The following TIPARP variants were observed in gnomAD, a reference collection of about 807,000 sequenced individuals.
TIPARP encodes protein mono-ADP-ribosyltransferase TIPARP.
In TIPARP, 12 loss-of-function variants were observed where a neutral mutation model predicts 56.5. That is an observed-to-expected ratio of 0.21 (90% CI 0.14 to 0.34). TIPARP has a LOEUF of 0.34. TIPARP is among the 10% of genes least tolerant of loss of function. TIPARP has a pLI of 1.00. For synonymous variants in TIPARP, 296 were observed against 265.7 expected, an observed-to-expected ratio of 1.11 and a Z score of -1.11; for missense variants, 604 against 781.6, an observed-to-expected ratio of 0.77 and a Z score of 2.71.
intron 2 of TIPARP, among the ~76,000 whole-genome samples, chr3:156,678,819 G>C (rs1437029519): frequency 6.6e-6 from 1 of 152,104 alleles, no homozygotes; most frequent in Non-Finnish European, 1.5e-5. Context: ...TTTACGATTT[G>C]AACAATTCAT....
At position 156,703,714 on chromosome 3, in the gene TIPARP, G is replaced by A. The variant is rs1321726163; in HGVS notation, c.1526+12G>A. 3.1e-6 allele frequency: 5 copies of A among 1,602,378 alleles called. No individual in the cohort carries two copies. The highest frequency in any genetic ancestry group is 3.4e-6 in the Non-Finnish European group (4 of 1,177,196). On this transcript the variant is annotated intron_variant, in intron 5 of 5. Coordinates refer to ENST00000295924, the MANE Select transcript of TIPARP (RefSeq NM_015508.5). ...GAGAAATATAAAAGGTGAGTCAGAT[G>A]TATGAAAAGTTCAAGACGGCCGGGC...
At chr3:156,675,032 A>T (rs1722078466) in intron 1 of TIPARP, 1 of 152,294 alleles carries the variant, frequency 6.6e-6, no homozygotes. Flanking sequence ...GCAGGTGTAT[A>T]CATCAGACCG....
chr3:156,686,889 A>G (rs982883192), intron 2 of TIPARP, among the ~76,000 whole-genome samples: 1 of 152,100 alleles, frequency 6.6e-6, no homozygotes, highest in African/African-American at 2.4e-5. Context: ...AAAAACGTTT[A>G]TTTTATCCCT....
At position 156,677,802 on chromosome 3, in the gene TIPARP, A is replaced by C. The variant is rs1395711703; in HGVS notation, c.105A>C (p.Pro35=). 6.2e-7 allele frequency: 1 copy of C among 1,614,218 alleles called. No homozygotes were observed. Among genetic ancestry groups the C allele is most frequent in the South Asian group, 1.1e-5 (1 of 91,086 alleles). The part of the protein sequence containing the change: ...CQMRLSEKIT[P]LKTCFKKKDQ... ...TGAGACTCTCTGAGAAGATCACTCC[A>C]TTGAAGACTTGTTTTAAGAAAAAGG... is the stretch of plus-strand genomic sequence containing the variant. Residue 35 remains proline, a synonymous_variant, in exon 2 of 6, where the codon CCA becomes CCC. Transcript: ENST00000295924.
At chr3:156,691,816 G>A (rs538594771) in intron 2 of TIPARP, among the ~76,000 whole-genome samples, 1 of 152,236 alleles carries the variant, frequency 6.6e-6, no homozygotes, top group South Asian at 2.1e-4. Flanking sequence ...ATCAAATAGA[G>A]CTAAAACAGT....
rs772548229 is a variant in TIPARP at position 156,705,111 on chromosome 3, A to C, written c.1954A>C (p.Ser652Arg). The change falls in exon 6 of 6, where the codon AGT (serine) becomes CGT (arginine). Residue 652 changes from serine to arginine, a missense_variant. Coordinates refer to ENST00000295924, the MANE Select transcript of TIPARP (RefSeq NM_015508.5). ...PYFVIQYEEVSNTVSI is the reference protein window; with the variant it reads ...PYFVIQYEEVRNTVSI ...TTTTGTTATCCAATATGAAGAAGTC[A>C]GTAACACTGTTTCCATTTGAAAAAT... 2.0e-6 allele frequency: 3 copies of C among 1,530,078 alleles called. No homozygotes were observed. Among genetic ancestry groups the C allele is most frequent in the Non-Finnish European group, 1.8e-6 (2 of 1,129,256 alleles). 94.8% of individuals were successfully genotyped at this position (1,530,078 alleles called of 1,614,324 possible).
intron 2 of TIPARP, among the ~76,000 whole-genome samples, chr3:156,688,707 C>T (rs895567044): frequency 6.6e-6 from 1 of 152,178 alleles, no homozygotes; most frequent in Non-Finnish European, 1.5e-5. Flanking sequence ...GGGATATAAG[C>T]TGCCAGATAT....
intron 2 of TIPARP, among the ~76,000 whole-genome samples, chr3:156,682,113 A>G (rs1722323338): frequency 6.6e-6 from 1 of 152,216 alleles, no homozygotes; most frequent in Non-Finnish European, 1.5e-5. Context: ...CACTAGTTTC[A>G]TATTACATTC....
chr3:156,701,174 C>T (rs1314522627), intron 4 of TIPARP, among the ~76,000 whole-genome samples: 1 of 152,166 alleles, frequency 6.6e-6, no homozygotes, highest in African/African-American at 2.4e-5. Context: ...AGTTTAATAT[C>T]TTAGAATGGA....
chr3:156,702,852 A>G (rs1577043235), intron 4 of TIPARP, among the ~76,000 whole-genome samples: 1 of 152,192 alleles, frequency 6.6e-6, no homozygotes, highest in East Asian at 1.9e-4. Flanking sequence ...GTTGAATAGT[A>G]TTGGTGGTTT....
At chr3:156,685,261 A>AAATGTG (rs1213962893) in intron 2 of TIPARP, among the ~76,000 whole-genome samples, 5 of 152,218 alleles carry the variant, frequency 3.3e-5, no homozygotes, top group Non-Finnish European at 7.4e-5. Flanking sequence ...CCACACAACA[A>AAATGTG]AATGTGTCTG....
intron 2 of TIPARP, 45 bp from the exon 3 acceptor site, chr3:156,693,975 T>G (rs1170301758): frequency 2.6e-6 from 4 of 1,547,620 alleles, no homozygotes; most frequent in East Asian, 2.3e-5. Flanking sequence ...TTTTACAAAT[T>G]TATTAACAGG....
intron 4 of TIPARP, among the ~76,000 whole-genome samples, chr3:156,697,515 G>A (rs553370525): frequency 4.1e-5 from 6 of 146,850 alleles, no homozygotes; most frequent in African/African-American, 7.6e-5. Context: ...CCACAAATAT[G>A]CCTTCATTAT....
chr3:156,697,646 C>T (rs968508406), intron 4 of TIPARP, among the ~76,000 whole-genome samples: 2 of 152,096 alleles, frequency 1.3e-5, no homozygotes, highest in Non-Finnish European at 2.9e-5. Context: ...GCTGTATTTT[C>T]AACAGCATGC....
intron 2 of TIPARP, among the ~76,000 whole-genome samples, chr3:156,690,870 C>T (rs1722555228): frequency 6.6e-6 from 1 of 152,108 alleles, no homozygotes; most frequent in Admixed American, 6.6e-5. Context: ...GAGACACCCC[C>T]AATCTCTAGC....
In TIPARP at chr3:156,705,294, A is replaced by C; in HGVS notation, c.*163A>C. The C allele has an allele frequency of 1.7e-6, 1 of 579,144 alleles. No individual in the cohort carries two copies. The highest frequency in any genetic ancestry group is 2.4e-5 in the South Asian group (1 of 41,080). 35.9% of individuals were successfully genotyped at this position (579,144 alleles called of 1,614,324 possible). ...AAAATGCTTTTTTTAAAAAAAAAAT[A>C]CAAGTTTTAAAATGACCACTTACTC... On this transcript the variant is annotated 3_prime_UTR_variant, in exon 6 of 6. Coordinates refer to ENST00000295924, the MANE Select transcript of TIPARP (RefSeq NM_015508.5).
chr3:156,677,227 C>T (rs1722152730), intron 1 of TIPARP, among the ~76,000 whole-genome samples: 1 of 152,162 alleles, frequency 6.6e-6, no homozygotes. Flanking sequence ...TTTTTGTCAA[C>T]TCATGAGATA....
intron 3 of TIPARP, 151 bp from the exon 4 acceptor site, chr3:156,695,714 A>G: frequency 9.0e-7 from 1 of 1,109,498 alleles, no homozygotes; most frequent in South Asian, 2.0e-5. Flanking sequence ...GGGAAAAAAA[A>G]TCTTAGCATA....
Position 156,692,151 on chromosome 3 carries a change from A to G in TIPARP, c.918-1869A>G, listed in dbSNP as rs184060633. Among the ~76,000 whole-genome samples, 4 of 152,288 alleles carry G rather than the reference A, an allele frequency of 2.6e-5. No individual in the cohort carries two copies. The East Asian group carries it at 7.7e-4, about 29-fold the overall frequency. On this transcript the variant is annotated intron_variant, in intron 2 of 5. Coordinates refer to ENST00000295924, the MANE Select transcript of TIPARP (RefSeq NM_015508.5). ...GAGGATTTGTGACTCATAATTGGGAACAGTTGCTGGGCGATAAGCTTAAAG... is the reference window on the plus strand; with the variant it reads ...GAGGATTTGTGACTCATAATTGGGAGCAGTTGCTGGGCGATAAGCTTAAAG...
Sources: gnomAD v4.1 joint callset for allele counts (sites outside exome capture counted in the v4.1 genomes callset) on GRCh38, gnomAD v4.1.1 for gene constraint, MANE v1.5 for transcripts, NCBI Gene and HGNC (gene_info 2026-07-23, HGNC 2026-07-21) for gene names.